FER1L6: variants seen among roughly 807,000 people sequenced by gnomAD.
FER1L6 encodes fer-1 like family member 6.
A neutral mutation model predicts 219.2 loss-of-function variants in FER1L6; 177 were observed. The ratio of observed to expected loss-of-function variants is 0.81; its 90% confidence interval spans 0.71 to 0.91. FER1L6 has a LOEUF of 0.91. Ranked by LOEUF, FER1L6 falls within the 40% of genes least tolerant of loss-of-function variation. FER1L6 has a pLI of 0.00. For missense variants in FER1L6, 2,153 were observed against 2,259.9 expected (o/e 0.95, Z 0.96); for synonymous variants, 768 against 824.3 (o/e 0.93, Z 1.17).
intron 20 of FER1L6, among the ~76,000 whole-genome samples, chr8:124,044,623 A>C (rs1480581913): frequency 2.0e-5 from 3 of 152,230 alleles, no homozygotes; most frequent in Non-Finnish European, 4.4e-5. Flanking sequence ...CCCTGGACCC[A>C]GCAGCTGCTG....
chr8:124,097,685 T>G (rs1184084904), intron 36 of FER1L6, 100 bp from the exon 37 acceptor site: 1 of 718,864 alleles, frequency 1.4e-6, no homozygotes, highest in Admixed American at 2.2e-5. Context: ...TTGGCAAACT[T>G]TAGGAAACTT....
chr8:123,956,129 C>A, intron 2 of FER1L6, 55 bp downstream of exon 2: 1 of 1,478,318 alleles, frequency 6.8e-7, no homozygotes, highest in Non-Finnish European at 9.3e-7. Flanking sequence ...CGCAGAGTGA[C>A]CCCTCCGTGG....
chr8:123,935,966 A>G (rs999195684), intron 1 of FER1L6, among the ~76,000 whole-genome samples: 4 of 151,960 alleles, frequency 2.6e-5, no homozygotes, highest in Non-Finnish European at 4.4e-5. Context: ...AAAAAAATCA[A>G]ATCTGAAAAT....
At chr8:124,097,941 C>G (rs1822380657) in intron 37 of FER1L6, 58 bp downstream of exon 37, 1 of 939,470 alleles carries the variant, frequency 1.1e-6, no homozygotes, top group Non-Finnish European at 1.8e-6. Flanking sequence ...CTTTTTAAAC[C>G]CTAACTAAAT....
intron 1 of FER1L6, among the ~76,000 whole-genome samples, chr8:123,947,252 A>T (rs1814541955): frequency 6.6e-6 from 1 of 152,086 alleles, no homozygotes; most frequent in East Asian, 1.9e-4. Context: ...TCTAAAAAAA[A>T]AAAAGGTATG....
chr8:123,923,941 GAAAAA>G (rs60137127), intron 1 of FER1L6, among the ~76,000 whole-genome samples: 4 of 94,776 alleles, frequency 4.2e-5, no homozygotes, highest in African/African-American at 1.4e-4. Flanking sequence ...CTCCAACTAA[GAAAAA>G]AAAAAAAAAA....
chr8:123,968,565 C>T (rs930889026), intron 5 of FER1L6, among the ~76,000 whole-genome samples: 3 of 152,200 alleles, frequency 2.0e-5, no homozygotes, highest in Non-Finnish European at 4.4e-5. Flanking sequence ...GAAGCCACAG[C>T]ATCTGGTGTA....
At chr8:123,985,794 A>G (rs866643303) in intron 11 of FER1L6, 2 of 301,968 alleles carry the variant, frequency 6.6e-6, no homozygotes, top group South Asian at 6.2e-5. Flanking sequence ...ACGCACACCA[A>G]GTTTATATGT....
intron 1 of FER1L6, among the ~76,000 whole-genome samples, chr8:123,875,158 G>T (rs1161419169): frequency 6.6e-6 from 1 of 151,996 alleles, no homozygotes; most frequent in Non-Finnish European, 1.5e-5. Flanking sequence ...TGACACTACT[G>T]CACTCCAGCC....
chr8:123,887,866 A>G (rs1372592830), intron 1 of FER1L6, among the ~76,000 whole-genome samples: 2 of 152,204 alleles, frequency 1.3e-5, no homozygotes, highest in African/African-American at 4.8e-5. Context: ...GTGCAGATCC[A>G]GATAAAATAG....
chr8:124,044,424 A>T (rs1332068640), intron 20 of FER1L6, among the ~76,000 whole-genome samples: 1 of 152,232 alleles, frequency 6.6e-6, no homozygotes, highest in Non-Finnish European at 1.5e-5. Flanking sequence ...TATGACCCAC[A>T]TAAAGAAGAG....
intron 22 of FER1L6, among the ~76,000 whole-genome samples, chr8:124,059,332 C>T (rs1820451132): frequency 6.6e-6 from 1 of 152,212 alleles, no homozygotes; most frequent in African/African-American, 2.4e-5. Flanking sequence ...TATTTCTGGA[C>T]TCAGTCCTCT....
intron 19 of FER1L6, among the ~76,000 whole-genome samples, chr8:124,038,924 G>T (rs1819339655): frequency 6.6e-6 from 1 of 152,164 alleles, no homozygotes; most frequent in Non-Finnish European, 1.5e-5. Flanking sequence ...AAATGGGAGT[G>T]GGTAAAGAAG....
In FER1L6 at chr8:124,023,472, T is replaced by G; in HGVS notation, c.2162T>G (p.Ile721Ser). 6.2e-7 allele frequency: 1 copy of G among 1,614,200 alleles called. No individual in the cohort carries two copies. The change falls in exon 18 of 41, where the codon ATC (isoleucine) becomes AGC (serine). Residue 721 changes from isoleucine to serine, a missense_variant. Physicochemically the swap from Ile to Ser is moderately radical, Grantham distance 142. Transcript: ENST00000522917. ...EPQHTIPDVFIWMLSNNRRVA... is the reference protein window; with the variant it reads ...EPQHTIPDVFSWMLSNNRRVA... ...CAGCACACTATCCCTGACGTTTTCA[T>G]CTGGATGCTCAGCAACAACAGGAGA...
intron 13 of FER1L6, among the ~76,000 whole-genome samples, chr8:124,007,369 A>C (rs968498200): frequency 6.6e-6 from 1 of 150,820 alleles, no homozygotes; most frequent in Non-Finnish European, 1.5e-5. Flanking sequence ...CATGGACTTT[A>C]GTCTTCTACA....
chr8:123,903,942 A>G (rs1812903768), intron 1 of FER1L6, among the ~76,000 whole-genome samples: 1 of 152,164 alleles, frequency 6.6e-6, no homozygotes, highest in African/African-American at 2.4e-5. Flanking sequence ...CTTTTCTCCT[A>G]CCTAAGCACT....
chr8:124,004,685 C>T lies in FER1L6; in HGVS notation c.1700+1338C>T, dbSNP rs541772598. On this transcript the variant is annotated intron_variant, in intron 13 of 40. Transcript: ENST00000522917. ...CTCTCAGCCCACCATTCTGAGTCCT[C>T]CAAGCCACAGACAAGAAAATTGTCA... is the stretch of plus-strand genomic sequence containing the variant. 7.2e-5 allele frequency among the ~76,000 whole-genome samples: 11 copies of T among 152,166 alleles called. No individual in the cohort carries two copies. The East Asian group carries it at 1.9e-3, about 27-fold the overall frequency.
chr8:124,112,766 C>G lies in FER1L6; in HGVS notation c.5290-6078C>G, dbSNP rs536345623. Among the ~76,000 whole-genome samples the G allele has an allele frequency of 1.2e-4, 18 of 152,152 alleles. No homozygotes were observed. In the South Asian group the frequency reaches 3.7e-3, roughly 32 times the overall value. On this transcript the variant is annotated intron_variant, in intron 39 of 40. Coordinates refer to ENST00000522917, the MANE Select transcript of FER1L6 (RefSeq NM_001039112.2). ...AGTGAATAAGATAAATTCTTAGCATCCTGAAGTTCACAACTTAGCTGGGGA... is the reference window on the plus strand; with the variant it reads ...AGTGAATAAGATAAATTCTTAGCATGCTGAAGTTCACAACTTAGCTGGGGA...
intron 23 of FER1L6, 87 bp from the exon 24 acceptor site, chr8:124,060,461 C>G (rs1394111550): frequency 6.5e-7 from 1 of 1,543,146 alleles, no homozygotes; most frequent in East Asian, 2.3e-5. Flanking sequence ...TCTCAGGGAG[C>G]AGGTCTAACT....
Sources: gnomAD v4.1 joint callset for allele counts (sites outside exome capture counted in the v4.1 genomes callset) on GRCh38, gnomAD v4.1.1 for gene constraint, MANE v1.5 for transcripts, NCBI Gene and HGNC (gene_info 2026-07-23, HGNC 2026-07-21) for gene names.